ZMYM2: variants seen among roughly 807,000 people sequenced by gnomAD.
The protein encoded by ZMYM2 is zinc finger MYM-type protein 2.
ZMYM2 carries 56 observed loss-of-function variants against 162.8 expected under a neutral mutation model. That is an observed-to-expected ratio of 0.34 (90% CI 0.28 to 0.43). The LOEUF is 0.43. Ranked by LOEUF, ZMYM2 falls within the 20% of genes least tolerant of loss-of-function variation. ZMYM2 has a pLI of 1.00. For missense variants in ZMYM2, 1,275 were observed against 1,621.8 expected (o/e 0.79, Z 3.67); for synonymous variants, 510 against 541.6 (o/e 0.94, Z 0.81).
chr13:20,028,931 A>G (rs1245283142), intron 9 of ZMYM2, among the ~76,000 whole-genome samples: 1 of 152,010 alleles, frequency 6.6e-6, no homozygotes, highest in African/African-American at 2.4e-5. Context: ...AGGCAGCTTC[A>G]TCTCTCTGCA....
At chr13:19,984,705 A>G (rs563877723) in intron 2 of ZMYM2, among the ~76,000 whole-genome samples, 1 of 152,340 alleles carries the variant, frequency 6.6e-6, no homozygotes, top group African/African-American at 2.4e-5. Flanking sequence ...TGGTTGAAAC[A>G]TTATTTCTAT....
rs35914050 is a variant in ZMYM2 at position 19,965,771 on chromosome 13, CTTT to C, written c.-11+5763_-11+5765del. 5.1e-4 allele frequency among the ~76,000 whole-genome samples: 54 copies of C among 104,886 alleles called. 2 individuals are homozygous for C. The highest frequency in any genetic ancestry group is 1.7e-4 in the Non-Finnish European group (9 of 52,470). The allele number at this position is 104,886 out of a possible 152,430, so 68.8% of individuals were successfully genotyped here. On this transcript the variant is annotated intron_variant, in intron 2 of 24. Coordinates refer to ENST00000610343, the MANE Select transcript of ZMYM2 (RefSeq NM_197968.4). ...CTGGCCCTGATATGGTATCTGAATT[CTTT>C]TTTTTTTTTTTTTTTTTGAGACGGA...
At chr13:20,054,348 T>C (rs185297278) in intron 14 of ZMYM2, among the ~76,000 whole-genome samples, 11 of 152,368 alleles carry the variant, frequency 7.2e-5, no homozygotes, top group Admixed American at 2.0e-4. Context: ...GAACATAAAC[T>C]TTGACATCAG....
At chr13:19,985,939 TACTCAGG>T (rs1949096957) in intron 2 of ZMYM2, among the ~76,000 whole-genome samples, 1 of 152,014 alleles carries the variant, frequency 6.6e-6, no homozygotes, top group Non-Finnish European at 1.5e-5. Flanking sequence ...AAATCCCAGC[TACTCAGG>T]AGGTTGAGGC....
chr13:20,014,914 G>C (rs549081693), intron 6 of ZMYM2, among the ~76,000 whole-genome samples: 1 of 151,770 alleles, frequency 6.6e-6, no homozygotes, highest in Non-Finnish European at 1.5e-5. Flanking sequence ...ACAGGCATGT[G>C]CCACCACACC....
chr13:19,894,519 A>G, the ZMYM2 span, among the ~76,000 whole-genome samples: 1 of 151,780 alleles, frequency 6.6e-6, no homozygotes, highest in Non-Finnish European at 1.5e-5. Flanking sequence ...CTAATTTTGT[A>G]TTTTCAGTAG....
the ZMYM2 span, among the ~76,000 whole-genome samples, chr13:19,928,944 C>T: frequency 6.6e-6 from 1 of 152,132 alleles, no homozygotes; most frequent in African/African-American, 2.4e-5. Flanking sequence ...CAGGCCTAGC[C>T]TTTTGTTACA....
At chr13:20,000,715 TG>T (rs1356500125) in intron 3 of ZMYM2, among the ~76,000 whole-genome samples, 4 of 152,218 alleles carry the variant, frequency 2.6e-5, no homozygotes, top group Non-Finnish European at 4.4e-5. Context: ...AGAGCTCTGA[TG>T]GAGATGTACA....
intron 14 of ZMYM2, among the ~76,000 whole-genome samples, chr13:20,057,642 TCAGTA>T (rs1955903396): frequency 6.6e-6 from 1 of 152,224 alleles, no homozygotes; most frequent in Non-Finnish European, 1.5e-5. Context: ...TGAGTTGATT[TCAGTA>T]CAGTAGTGTA....
At chr13:19,999,595 G>A (rs9579760) in intron 3 of ZMYM2, among the ~76,000 whole-genome samples, 15,440 of 152,120 alleles carry the variant, frequency 0.1, 1,290 homozygotes, top group African/African-American at 0.22. Flanking sequence ...TGGTTGCTAA[G>A]TGTTCAAGTG....
At chr13:19,975,860 A>AAATGTATG (rs1956733451) in intron 2 of ZMYM2, among the ~76,000 whole-genome samples, 1 of 87,762 alleles carries the variant, frequency 1.1e-5, no homozygotes, top group Non-Finnish European at 2.6e-5. Flanking sequence ...TCCATTTTTA[A>AAATGTATG]AATGTATGTA....
At chr13:19,989,296 ATTGTTT>A (rs1250233062) in intron 2 of ZMYM2, among the ~76,000 whole-genome samples, 9 of 151,480 alleles carry the variant, frequency 5.9e-5, no homozygotes, top group Admixed American at 5.3e-4. Flanking sequence ...GTTACATGAG[ATTGTTT>A]TTGTTTTTGT....
chr13:19,907,832 G>A, the ZMYM2 span, among the ~76,000 whole-genome samples: 1 of 143,354 alleles, frequency 7.0e-6, no homozygotes, highest in Non-Finnish European at 1.5e-5. Context: ...ACGAAAAAAA[G>A]GTAAAGTCTA....
the ZMYM2 span, among the ~76,000 whole-genome samples, chr13:19,938,272 T>C: frequency 6.6e-6 from 1 of 152,092 alleles, no homozygotes; most frequent in Non-Finnish European, 1.5e-5. Flanking sequence ...TTTGGGAGGC[T>C]GAGGTGGGCG....
chr13:19,998,766 G>T (rs941548641), intron 3 of ZMYM2, among the ~76,000 whole-genome samples: 13 of 152,090 alleles, frequency 8.5e-5, no homozygotes, highest in Admixed American at 8.5e-4. Context: ...TGATGGAATG[G>T]GTCAGAACCA....
In ZMYM2 at chr13:19,985,541, T is replaced by TA. The variant is rs397800568; in HGVS notation, c.-10-7517dup. 3.3e-4 allele frequency among the ~76,000 whole-genome samples: 50 copies of TA among 151,572 alleles called. No individual in the cohort carries two copies. In the East Asian group the frequency reaches 3.7e-3, roughly 11 times the overall value. On this transcript the variant is annotated intron_variant, in intron 2 of 24. Coordinates refer to ENST00000610343, the MANE Select transcript of ZMYM2 (RefSeq NM_197968.4). ...TTTTATTGAATGGTTGTGTTTTTTTTAAAAACAATAAGAGCTGTGGCCAGG... is the reference window on the plus strand; with the variant it reads ...TTTTATTGAATGGTTGTGTTTTTTTTAAAAAACAATAAGAGCTGTGGCCAGG...
the ZMYM2 span, among the ~76,000 whole-genome samples, chr13:19,880,595 A>T: frequency 1.1e-4 from 16 of 151,498 alleles, no homozygotes; most frequent in African/African-American, 3.9e-4. Context: ...CGCCCGGCTA[A>T]TTTTTTGTAT....
At chr13:20,077,803 C>T (rs1385223168) in intron 21 of ZMYM2, among the ~76,000 whole-genome samples, 1 of 151,568 alleles carries the variant, frequency 6.6e-6, no homozygotes, top group Non-Finnish European at 1.5e-5. Flanking sequence ...GTTTAGATTT[C>T]ATCTTTATCC....
At chr13:19,876,308 G>A in the ZMYM2 span, among the ~76,000 whole-genome samples, 99 of 151,928 alleles carry the variant, frequency 6.5e-4, no homozygotes, top group African/African-American at 2.1e-3. Flanking sequence ...GATTACATGC[G>A]TGAGCCACTA....
Sources: gnomAD v4.1 joint callset for allele counts (sites outside exome capture counted in the v4.1 genomes callset) on GRCh38, gnomAD v4.1.1 for gene constraint, MANE v1.5 for transcripts, NCBI Gene and HGNC (gene_info 2026-07-23, HGNC 2026-07-21) for gene names.